The following DSCAM variants were observed in gnomAD, a reference collection of about 807,000 sequenced individuals.
The protein encoded by DSCAM is cell adhesion molecule DSCAM.
A neutral mutation model predicts 217.7 loss-of-function variants in DSCAM; 47 were observed. The observed-to-expected ratio is 0.22, with a 90% CI of 0.17 to 0.28. The LOEUF (loss-of-function observed/expected upper bound fraction) is 0.28, where lower values mean the gene tolerates loss of function less well. DSCAM is among the 10% of genes least tolerant of loss of function. The pLI, the probability that DSCAM is intolerant of heterozygous loss-of-function variation, is 1.00. For missense variants in DSCAM, 2,080 were observed against 2,618.3 expected (o/e 0.79, Z 4.49); for synonymous variants, 1,056 against 1,015.3 (o/e 1.04, Z -0.76).
At chr21:40,146,785 T>TG (rs1383497154) in intron 16 of DSCAM, among the ~76,000 whole-genome samples, 1 of 152,232 alleles carries the variant, frequency 6.6e-6, no homozygotes, top group Non-Finnish European at 1.5e-5. Flanking sequence ...CAAATGTCTA[T>TG]GCTCCTCTGA....
intron 16 of DSCAM, among the ~76,000 whole-genome samples, chr21:40,160,785 C>CTATA (rs2090531711): frequency 6.6e-6 from 1 of 152,132 alleles, no homozygotes; most frequent in East Asian, 1.9e-4. Flanking sequence ...AGCTTATAAC[C>CTATA]TAACCGTTAT....
At chr21:40,460,253 C>T (rs2075795912) in intron 3 of DSCAM, among the ~76,000 whole-genome samples, 2 of 152,058 alleles carry the variant, frequency 1.3e-5, no homozygotes, top group South Asian at 4.1e-4. Context: ...CAAACCTGCA[C>T]ATCCTGCACA....
intron 3 of DSCAM, among the ~76,000 whole-genome samples, chr21:40,577,810 A>G (rs183830037): frequency 1.2e-3 from 179 of 152,346 alleles, no homozygotes; most frequent in Non-Finnish European, 2.0e-3. Context: ...TAAGACTACT[A>G]CAAGGTGATA....
At chr21:40,661,980 A>AT (rs1247290188) in intron 3 of DSCAM, among the ~76,000 whole-genome samples, 1 of 152,198 alleles carries the variant, frequency 6.6e-6, no homozygotes, top group Non-Finnish European at 1.5e-5. Flanking sequence ...GCAAGATATT[A>AT]TTTTTTTCAA....
intron 11 of DSCAM, among the ~76,000 whole-genome samples, chr21:40,250,317 A>G (rs1428716902): frequency 1.3e-5 from 2 of 152,224 alleles, no homozygotes; most frequent in Admixed American, 6.5e-5. Context: ...AAGGGCCTCA[A>G]TTAGAAATAT....
intron 11 of DSCAM, among the ~76,000 whole-genome samples, chr21:40,240,464 A>G (rs181799431): frequency 7.4e-4 from 108 of 146,514 alleles, no homozygotes; most frequent in Non-Finnish European, 1.4e-3. Flanking sequence ...TACATCTTGG[A>G]TTACACTTTG....
chr21:40,099,198 A>G (rs1159726708), intron 20 of DSCAM, among the ~76,000 whole-genome samples: 4 of 152,230 alleles, frequency 2.6e-5, no homozygotes, highest in Non-Finnish European at 4.4e-5. Flanking sequence ...TCCTGTTGAC[A>G]AGGTAAAATT....
chr21:40,528,248 C>G (rs1455648655), intron 3 of DSCAM, among the ~76,000 whole-genome samples: 2 of 152,108 alleles, frequency 1.3e-5, no homozygotes, highest in African/African-American at 4.8e-5. Context: ...CTTTCCTCCT[C>G]TGTGTGGCTC....
intron 3 of DSCAM, among the ~76,000 whole-genome samples, chr21:40,622,707 C>T (rs1344522943): frequency 3.9e-5 from 6 of 152,090 alleles, no homozygotes; most frequent in African/African-American, 9.7e-5. Context: ...TCTGTGCAGC[C>T]CACACTTGAC....
intron 3 of DSCAM, among the ~76,000 whole-genome samples, chr21:40,642,658 C>G (rs1326767073): frequency 6.6e-6 from 1 of 152,208 alleles, no homozygotes; most frequent in East Asian, 1.9e-4. Context: ...TTTCAACTCA[C>G]TGCAACCTTC....
chr21:40,117,968 CACAT>C (rs1251130200), intron 20 of DSCAM, among the ~76,000 whole-genome samples: 8 of 151,714 alleles, frequency 5.3e-5, no homozygotes, highest in Admixed American at 3.3e-4. Flanking sequence ...CACACACACA[CACAT>C]ACACACACGT....
chr21:40,786,404 A>G (rs1210390864), intron 1 of DSCAM, among the ~76,000 whole-genome samples: 1 of 152,238 alleles, frequency 6.6e-6, no homozygotes, highest in Non-Finnish European at 1.5e-5. Context: ...ACGGGCTCCC[A>G]GTCCTTGCTA....
chr21:40,721,272 A>G lies in DSCAM; in HGVS notation c.44-12501T>C, dbSNP rs190862200. On this transcript the variant is annotated intron_variant, in intron 1 of 32. Transcript: ENST00000400454. ...TAAAATTTACAATGTCTGTCATTCAATAAAAAATTGGACACAATAAGGGAA... is the reference window on the plus strand; with the variant it reads ...TAAAATTTACAATGTCTGTCATTCAGTAAAAAATTGGACACAATAAGGGAA... Among the ~76,000 whole-genome samples the G allele has an allele frequency of 4.7e-3, 713 of 152,332 alleles. 5 individuals carry two copies. The highest frequency in any genetic ancestry group is 3.9e-3 in the Non-Finnish European group (267 of 68,028).
intron 16 of DSCAM, among the ~76,000 whole-genome samples, chr21:40,156,849 C>G (rs2090483921): frequency 1.3e-5 from 2 of 152,066 alleles, no homozygotes; most frequent in Non-Finnish European, 2.9e-5. Flanking sequence ...GCCCCTGCCC[C>G]AAAGATCTGT....
chr21:40,684,079 C>T (rs1026793195), intron 3 of DSCAM, among the ~76,000 whole-genome samples: 1 of 151,332 alleles, frequency 6.6e-6, no homozygotes, highest in Non-Finnish European at 1.5e-5. Flanking sequence ...AAAAAAATAG[C>T]CAGGTGTGGT....
At chr21:40,641,754 G>C (rs2089881768) in intron 3 of DSCAM, among the ~76,000 whole-genome samples, 1 of 152,156 alleles carries the variant, frequency 6.6e-6, no homozygotes, top group Admixed American at 6.5e-5. Flanking sequence ...TAAAAGCCAA[G>C]TTAATATGTA....
intron 1 of DSCAM, among the ~76,000 whole-genome samples, chr21:40,845,541 C>CT (rs1491397574): frequency 1.0e-4 from 3 of 29,992 alleles, no homozygotes; most frequent in Admixed American, 4.2e-4. Context: ...TCTTCTTCTC[C>CT]TCTCTCTCTC....
rs1229311829 is a variant in DSCAM at position 40,347,650 on chromosome 21, C to T, written c.1210+20G>A. 1 of 1,612,460 alleles carries T rather than the reference C, an allele frequency of 6.2e-7. No individual in the cohort carries two copies. The highest frequency in any genetic ancestry group is 1.3e-5 in the African/African-American group (1 of 74,884). ...GTTTGGGTTCTTTTTCAGCCATACC[C>T]TGAAACGAGGCCCACTGACCTTCAA... On this transcript the variant is annotated intron_variant, in intron 6 of 32. Transcript: ENST00000400454.
chr21:40,236,345 G>A (rs762293603), intron 11 of DSCAM, among the ~76,000 whole-genome samples: 3 of 152,132 alleles, frequency 2.0e-5, no homozygotes, highest in Non-Finnish European at 4.4e-5. Flanking sequence ...TCTGGCTCAC[G>A]CTCACCGTGT....
Sources: gnomAD v4.1 joint callset for allele counts (sites outside exome capture counted in the v4.1 genomes callset) on GRCh38, gnomAD v4.1.1 for gene constraint, MANE v1.5 for transcripts, NCBI Gene and HGNC (gene_info 2026-07-23, HGNC 2026-07-21) for gene names.